PGAP2: variants seen among roughly 807,000 people sequenced by gnomAD.
PGAP2 encodes the protein acyltransferase PGAP2.
A neutral mutation model predicts 33.2 loss-of-function variants in PGAP2; 21 were observed. That is an observed-to-expected ratio of 0.63 (90% CI 0.45 to 0.91). PGAP2 has a LOEUF of 0.91. Ranked by LOEUF, PGAP2 falls within the 40% of genes least tolerant of loss-of-function variation. PGAP2 has a pLI of 0.00. For missense variants in PGAP2, 345 were observed against 424.0 expected (o/e 0.81, Z 1.64); for synonymous variants, 161 against 172.9 (o/e 0.93, Z 0.54).
chr11:3,811,444 A>T lies in PGAP2; in HGVS notation c.165+20A>T, dbSNP rs1455716851. The T allele has an allele frequency of 5.6e-6, 9 of 1,607,278 alleles. No homozygotes were observed. In the Admixed American group the frequency reaches 1.5e-4, roughly 27 times the overall value. On this transcript the variant is annotated intron_variant, in intron 2 of 6. Coordinates refer to ENST00000278243, the MANE Select transcript of PGAP2 (RefSeq NM_014489.4). The surrounding 1 kb of genome is among the most constrained non-coding windows in gnomAD (Gnocchi z 4.6). ...TGTGGGGTAGGGCATGGGGACACTGATACCTCATATTCAGGCCGATCTGGA... is the reference window on the plus strand; with the variant it reads ...TGTGGGGTAGGGCATGGGGACACTGTTACCTCATATTCAGGCCGATCTGGA...
In PGAP2 at chr11:3,825,012, T is replaced by A. The variant is rs542441630; in HGVS notation, c.709-8T>A. The A allele has an allele frequency of 6.2e-7, 1 of 1,614,108 alleles. No homozygotes were observed. The highest frequency in any genetic ancestry group is 1.3e-5 in the African/African-American group (1 of 75,030). ...AGCTGCAGAGTGATCAGACAGCCCATTCCCTAGGATCGCAAGTCCTACAGC... is the reference window on the plus strand; with the variant it reads ...AGCTGCAGAGTGATCAGACAGCCCAATCCCTAGGATCGCAAGTCCTACAGC... On this transcript the variant is annotated splice_region_variant and splice_polypyrimidine_tract_variant and intron_variant, in intron 5 of 6. Transcript: ENST00000278243.
At chr11:3,818,696 G>A (rs1318654167) in intron 3 of PGAP2, among the ~76,000 whole-genome samples, 1 of 152,208 alleles carries the variant, frequency 6.6e-6, no homozygotes. Context: ...GGGGGCCCAG[G>A]GATAAAGGTT....
chr11:3,802,050 T>C (rs1260939550), intron 1 of PGAP2, among the ~76,000 whole-genome samples: 1 of 150,636 alleles, frequency 6.6e-6, no homozygotes, highest in Non-Finnish European at 1.5e-5. Flanking sequence ...GAAATGTCTT[T>C]TTTTCTTTTA....
At chr11:3,806,413 T>G (rs1590165207), upstream of PGAP2, among the ~76,000 whole-genome samples, 2 of 152,120 alleles carry the variant, frequency 1.3e-5, no homozygotes, top group East Asian at 3.9e-4. Context: ...AAAGTAGTTT[T>G]TAGAACAAGA....
At chr11:3,797,969 C>G in exon 1 of PGAP2, 1 of 1,547,022 alleles carries the variant, frequency 6.5e-7, no homozygotes, top group Non-Finnish European at 8.7e-7. Flanking sequence ...GAGGGACGGC[C>G]CCAGAATGGC....
At chr11:3,822,969 T>A (rs933626934) in intron 3 of PGAP2, 14 of 1,535,192 alleles carry the variant, frequency 9.1e-6, no homozygotes, top group Non-Finnish European at 1.2e-5. Context: ...CACAAGAACA[T>A]GGTCATTTCC....
At chr11:3,802,434 G>A (rs1394262747) in intron 1 of PGAP2, among the ~76,000 whole-genome samples, 4 of 152,026 alleles carry the variant, frequency 2.6e-5, no homozygotes, top group South Asian at 2.1e-4. Context: ...TCCTTCTTCC[G>A]TTCTAAAGAC....
chr11:3,821,540 C>T lies in PGAP2; in HGVS notation c.349-2343C>T, dbSNP rs190245569. ...TGGGAGGCCGAGGCAGGCAGATCAC[C>T]AGAGGTCAGGAGTTCTGAGACGAGC... On this transcript the variant is annotated intron_variant, in intron 3 of 6. Transcript: ENST00000278243. 1.6e-3 allele frequency among the ~76,000 whole-genome samples: 240 copies of T among 151,316 alleles called. 1 individual carries two copies. The highest frequency in any genetic ancestry group is 2.5e-3 in the Non-Finnish European group (169 of 67,774).
At chr11:3,803,644 T>C (rs372204556), upstream of PGAP2, among the ~76,000 whole-genome samples, 10 of 151,590 alleles carry the variant, frequency 6.6e-5, no homozygotes, top group East Asian at 1.7e-3. Context: ...GCCAGGCTGG[T>C]CTCAAGCTCC....
chr11:3,805,454 C>T (rs1337040856), upstream of PGAP2, among the ~76,000 whole-genome samples: 1 of 151,052 alleles, frequency 6.6e-6, no homozygotes, highest in Non-Finnish European at 1.5e-5. Context: ...GGTACAGATG[C>T]TGTTGCCATG....
intron 2 of PGAP2, among the ~76,000 whole-genome samples, chr11:3,815,602 T>A (rs1234165069): frequency 1.3e-5 from 2 of 152,174 alleles, no homozygotes; most frequent in East Asian, 3.8e-4. Flanking sequence ...CTCTTCCCTA[T>A]CCTGAATGTA....
At position 3,824,454 on chromosome 11, in the gene PGAP2, T is replaced by C; in HGVS notation, c.708+78T>C. On this transcript the variant is annotated intron_variant, in intron 5 of 6. Transcript: ENST00000278243. ...ACATCTGTCCTCAGGATTCGGGTAA[T>C]GGTGAGGTGGGAACTGAGTTCTAAT... 4 of 1,610,876 alleles carry C rather than the reference T, an allele frequency of 2.5e-6. No individual in the cohort carries two copies. The South Asian group carries it at 4.4e-5, about 18-fold the overall frequency.
intron 3 of PGAP2, 42 bp downstream of exon 3, chr11:3,817,577 G>GCAGTCTGGCATCTCATTGAAA: frequency 2.6e-6 from 4 of 1,521,524 alleles, no homozygotes; most frequent in Non-Finnish European, 3.7e-6. Flanking sequence ...GGCCAGGTCA[G>GCAGTCTGGCATCTCATTGAAA]GAGGTGGCAG....
chr11:3,808,935 G>T (rs1429927618), intron 1 of PGAP2, among the ~76,000 whole-genome samples: 1 of 152,174 alleles, frequency 6.6e-6, no homozygotes, highest in Non-Finnish European at 1.5e-5. Context: ...ATGGGGCCCC[G>T]GGGTTGGAAC....
intron 2 of PGAP2, 77 bp from the exon 3 acceptor site, chr11:3,817,276 C>A: frequency 9.1e-7 from 1 of 1,100,192 alleles, no homozygotes; most frequent in Non-Finnish European, 1.3e-6. Context: ...TCTGAGGAGC[C>A]ATCTCTGGAA....
chr11:3,811,228 C>G lies in PGAP2; in HGVS notation c.-10-22C>G, dbSNP rs375995049. 1 of 1,599,580 alleles carries G rather than the reference C, an allele frequency of 6.3e-7. No individual in the cohort carries two copies. Among genetic ancestry groups the G allele is most frequent in the Non-Finnish European group, 8.5e-7 (1 of 1,172,056 alleles). ...CCAGCCTGGCTGCCTGGGGCCCTGA[C>G]AGCATGCCACTCCATCCCCAGGTCT... is the stretch of plus-strand genomic sequence containing the variant. On this transcript the variant is annotated intron_variant, in intron 1 of 6. Coordinates refer to ENST00000278243, the MANE Select transcript of PGAP2 (RefSeq NM_014489.4). This position sits in a 1 kb window ranked among gnomAD's most constrained non-coding sequence, Gnocchi z 4.6.
chr11:3,813,664 G>A (rs1257039171), intron 2 of PGAP2, among the ~76,000 whole-genome samples: 6 of 152,162 alleles, frequency 3.9e-5, no homozygotes, highest in South Asian at 4.1e-4. Context: ...GATTATAGGC[G>A]TGAGCCACTG....
At chr11:3,808,230 GA>G (rs1260905384), upstream of PGAP2, 21 of 1,536,670 alleles carry the variant, frequency 1.4e-5, no homozygotes, top group Non-Finnish European at 1.8e-5. Context: ...TGCGAGGCAG[GA>G]GAGACGGGCG....
intron 1 of PGAP2, among the ~76,000 whole-genome samples, chr11:3,810,479 C>A (rs2085318259): frequency 6.6e-6 from 1 of 152,180 alleles, no homozygotes; most frequent in Non-Finnish European, 1.5e-5. Context: ...CTACCCTTAT[C>A]TAAGGGGGAA....
Sources: allele counts gnomAD v4.1 joint callset (sites outside exome capture counted in the v4.1 genomes callset), GRCh38; gene constraint gnomAD v4.1.1; non-coding constraint Gnocchi (gnomAD v3.1); transcripts MANE v1.5; gene names NCBI Gene and HGNC (gene_info 2026-07-23, HGNC 2026-07-21).